Variants in RPS6KA2 observed in about 807,000 individuals in gnomAD.
RPS6KA2 encodes ribosomal protein S6 kinase alpha-2.
RPS6KA2 carries 42 observed loss-of-function variants against 91.8 expected under a neutral mutation model. The observed-to-expected ratio is 0.46, with a 90% CI of 0.36 to 0.59. The LOEUF is 0.59. RPS6KA2 is among the 20% of genes least tolerant of loss of function. RPS6KA2 has a pLI of 0.00. For synonymous variants in RPS6KA2, 414 were observed against 393.6 expected (o/e 1.05, Z -0.61); for missense variants, 798 against 978.5 (o/e 0.82, Z 2.46).
At chr6:166,855,436 GAGGAAGAAGAAGAGGAA>G (rs1780866433) in intron 2 of RPS6KA2, among the ~76,000 whole-genome samples, 2 of 94,826 alleles carry the variant, frequency 2.1e-5, no homozygotes, top group African/African-American at 7.0e-5. Flanking sequence ...AGAGGAAGAA[GAGGAAGAAGAAGAGGAA>G]GAAGAAGAGG....
intron 11 of RPS6KA2, among the ~76,000 whole-genome samples, chr6:166,465,687 C>A (rs1169216055): frequency 6.6e-6 from 1 of 152,210 alleles, no homozygotes; most frequent in African/African-American, 2.4e-5. Flanking sequence ...CTCTTTCAGG[C>A]ATCATTTCTC....
intron 2 of RPS6KA2, among the ~76,000 whole-genome samples, chr6:166,643,344 T>C (rs1787505044): frequency 6.6e-6 from 1 of 152,130 alleles, no homozygotes; most frequent in African/African-American, 2.4e-5. Context: ...GAAAAACATA[T>C]ATAACAAGAT....
At chr6:166,790,543 C>A (rs1005860600) in intron 2 of RPS6KA2, among the ~76,000 whole-genome samples, 7 of 151,990 alleles carry the variant, frequency 4.6e-5, no homozygotes, top group African/African-American at 1.7e-4. Flanking sequence ...AGAAGAGCAA[C>A]TCCAAGACAC....
At chr6:166,725,647 C>T (rs1464630683) in intron 2 of RPS6KA2, among the ~76,000 whole-genome samples, 1 of 152,224 alleles carries the variant, frequency 6.6e-6, no homozygotes, top group Non-Finnish European at 1.5e-5. Flanking sequence ...CTGGGTGAGC[C>T]AGTGGGGGGT....
chr6:166,439,256 C>T (rs180788868), intron 14 of RPS6KA2, among the ~76,000 whole-genome samples: 1,805 of 152,208 alleles, frequency 0.012, 43 homozygotes, highest in African/African-American at 0.041. Context: ...TACAGGCACG[C>T]GCCACCATGC....
intron 2 of RPS6KA2, among the ~76,000 whole-genome samples, chr6:166,777,346 C>G (rs1450705940): frequency 6.6e-6 from 1 of 152,188 alleles, no homozygotes; most frequent in East Asian, 1.9e-4. Context: ...AATGTGACAG[C>G]TGGTCTGGTG....
At chr6:166,845,474 C>T (rs376480795) in intron 2 of RPS6KA2, among the ~76,000 whole-genome samples, 1 of 152,104 alleles carries the variant, frequency 6.6e-6, no homozygotes, top group African/African-American at 2.4e-5. Context: ...CAAAACAAGG[C>T]TAGGTAAATT....
At chr6:166,699,499 T>C (rs1455615695) in intron 2 of RPS6KA2, among the ~76,000 whole-genome samples, 1 of 152,246 alleles carries the variant, frequency 6.6e-6, no homozygotes, top group Non-Finnish European at 1.5e-5. Flanking sequence ...TAGAAATTCA[T>C]CTTGAAATAA....
At chr6:166,706,852 A>C (rs901746383) in intron 2 of RPS6KA2, among the ~76,000 whole-genome samples, 1 of 152,256 alleles carries the variant, frequency 6.6e-6, no homozygotes, top group African/African-American at 2.4e-5. Context: ...AGTATTAAAC[A>C]AGAAGAGTCT....
At chr6:166,810,087 G>A (rs921740467) in intron 2 of RPS6KA2, among the ~76,000 whole-genome samples, 1 of 152,212 alleles carries the variant, frequency 6.6e-6, no homozygotes, top group African/African-American at 2.4e-5. Context: ...AGACAAGGTG[G>A]CAGGATGGAG....
At chr6:166,741,935 C>T (rs765719649) in intron 2 of RPS6KA2, among the ~76,000 whole-genome samples, 13 of 152,090 alleles carry the variant, frequency 8.5e-5, no homozygotes, top group African/African-American at 1.4e-4. Context: ...AAGACCACCC[C>T]GGCCAACATA....
At chr6:166,794,132 T>C (rs1779163755) in intron 2 of RPS6KA2, among the ~76,000 whole-genome samples, 2 of 141,652 alleles carry the variant, frequency 1.4e-5, no homozygotes, top group Admixed American at 7.4e-5. Context: ...ATCCAGAATC[T>C]ACAATGAACT....
At chr6:166,843,428 C>A (rs1780535411) in intron 2 of RPS6KA2, among the ~76,000 whole-genome samples, 1 of 152,190 alleles carries the variant, frequency 6.6e-6, no homozygotes, top group Admixed American at 6.5e-5. Flanking sequence ...CTGATGCACT[C>A]CTGAAAGCAC....
rs995074565 is a variant in RPS6KA2 at position 166,821,584 on chromosome 6, G to A, written c.123+36616C>T. 1.3e-5 allele frequency among the ~76,000 whole-genome samples: 2 copies of A among 151,902 alleles called. No homozygotes were observed. Among genetic ancestry groups the A allele is most frequent in the East Asian group, 1.9e-4 (1 of 5,168 alleles). On this transcript the variant is annotated intron_variant, in intron 2 of 21. Transcript: ENST00000503859. This position sits in a 1 kb window ranked among gnomAD's most constrained non-coding sequence, Gnocchi z 4.1. ...GCGGTGGGCCATCCCTCCTCCCACC[G>A]TAACCACCTACGCTCCCCTGGGTTT...
At chr6:166,645,071 TG>T (rs1032744263) in intron 2 of RPS6KA2, among the ~76,000 whole-genome samples, 9 of 152,162 alleles carry the variant, frequency 5.9e-5, no homozygotes, top group Admixed American at 1.3e-4. Flanking sequence ...TCCAAAACTG[TG>T]GGAGGACAAG....
chr6:166,674,053 C>T (rs750507836), intron 2 of RPS6KA2, among the ~76,000 whole-genome samples: 1 of 152,202 alleles, frequency 6.6e-6, no homozygotes, highest in African/African-American at 2.4e-5. Context: ...AAAGAGAGTT[C>T]GGGCAAGATT....
intron 2 of RPS6KA2, among the ~76,000 whole-genome samples, chr6:166,731,636 C>T (rs1790522607): frequency 6.6e-6 from 1 of 152,028 alleles, no homozygotes; most frequent in Non-Finnish European, 1.5e-5. Flanking sequence ...GCATCTCCTG[C>T]TTGAGTCGCT....
intron 6 of RPS6KA2, among the ~76,000 whole-genome samples, chr6:166,501,735 T>G (rs1782037836): frequency 6.6e-6 from 1 of 152,194 alleles, no homozygotes; most frequent in Non-Finnish European, 1.5e-5. Context: ...GGCCCTAAAC[T>G]TTCCCCATTT....
chr6:166,430,097 G>GCCA (rs1176858063), intron 16 of RPS6KA2, among the ~76,000 whole-genome samples: 1 of 151,538 alleles, frequency 6.6e-6, no homozygotes, highest in Non-Finnish European at 1.5e-5. Flanking sequence ...AGCTAGGATT[G>GCCA]CAGGTGTGTG....
Sources: allele counts gnomAD v4.1 joint callset (sites outside exome capture counted in the v4.1 genomes callset), GRCh38; gene constraint gnomAD v4.1.1; non-coding constraint Gnocchi (gnomAD v3.1); transcripts MANE v1.5; gene names NCBI Gene and HGNC (gene_info 2026-07-23, HGNC 2026-07-21).